TMTC1: variants seen among roughly 807,000 people sequenced by gnomAD.
The protein encoded by TMTC1 is transmembrane O-mannosyltransferase targeting cadherins 1.
A neutral mutation model predicts 104.8 loss-of-function variants in TMTC1; 73 were observed. The ratio of observed to expected loss-of-function variants is 0.70; its 90% CI spans 0.58 to 0.85. The LOEUF (loss-of-function observed/expected upper bound fraction) is 0.85, where lower values mean the gene tolerates loss of function less well. TMTC1 is among the 40% of genes least tolerant of loss of function. The probability of loss-of-function intolerance (pLI) is 0.00; values close to 1 mark genes in which losing one functional copy is unlikely to be tolerated. For synonymous variants in TMTC1, 434 were observed against 428.7 expected (o/e 1.01, Z -0.15); for missense variants, 1,035 against 1,096.1 (o/e 0.94, Z 0.79).
At chr12:29,677,287 GTTGT>G (rs1252822702) in intron 5 of TMTC1, among the ~76,000 whole-genome samples, 3 of 152,130 alleles carry the variant, frequency 2.0e-5, no homozygotes, top group East Asian at 1.9e-4. Flanking sequence ...TTTTTTTGTT[GTTGT>G]TTATTTGTTT....
At chr12:29,755,668 C>A in intron 4 of TMTC1, 41 bp downstream of exon 4, 1 of 1,577,392 alleles carries the variant, frequency 6.3e-7, no homozygotes, top group South Asian at 1.1e-5. Flanking sequence ...TTTCTCTGCC[C>A]ATGACATGCC....
At chr12:29,715,183 C>T (rs1450637932) in intron 5 of TMTC1, among the ~76,000 whole-genome samples, 1 of 152,002 alleles carries the variant, frequency 6.6e-6, no homozygotes, top group Non-Finnish European at 1.5e-5. Flanking sequence ...AAAATTGAAG[C>T]AGAATTTAAT....
chr12:29,597,233 C>CTTTCTTTTTTTT (rs1565697536), intron 7 of TMTC1, among the ~76,000 whole-genome samples: 1 of 131,340 alleles, frequency 7.6e-6, no homozygotes, highest in African/African-American at 3.7e-5. Flanking sequence ...TTCTTTCTTT[C>CTTTCTTTTTTTT]TTTTCTTTCT....
At chr12:29,711,868 A>G (rs1402392631) in intron 5 of TMTC1, among the ~76,000 whole-genome samples, 1 of 151,910 alleles carries the variant, frequency 6.6e-6, no homozygotes, top group Non-Finnish European at 1.5e-5. Context: ...TTAGCCGAGC[A>G]TGGTGGTGAG....
intron 1 of TMTC1, among the ~76,000 whole-genome samples, chr12:29,780,151 T>A (rs1943800730): frequency 6.6e-6 from 1 of 152,308 alleles, no homozygotes; most frequent in East Asian, 1.9e-4. Flanking sequence ...CTCCTGGGCA[T>A]TTAGAACAGA....
intron 12 of TMTC1, 95 bp downstream of exon 12, chr12:29,520,523 T>G: frequency 2.8e-6 from 3 of 1,067,252 alleles, no homozygotes; most frequent in South Asian, 2.7e-5. Context: ...CCAAGCCCAG[T>G]GAATTTTACT....
intron 6 of TMTC1, among the ~76,000 whole-genome samples, chr12:29,632,712 T>A (rs1244071884): frequency 6.6e-6 from 1 of 152,210 alleles, no homozygotes; most frequent in Non-Finnish European, 1.5e-5. Context: ...TGGTCATTTT[T>A]GAAATAGCTG....
chr12:29,543,943 GAATTTT>G (rs1944871757), intron 10 of TMTC1, among the ~76,000 whole-genome samples: 1 of 151,882 alleles, frequency 6.6e-6, no homozygotes, highest in Admixed American at 6.6e-5. Context: ...GTGGTTAAAA[GAATTTT>G]AAAAAATATT....
intron 7 of TMTC1, among the ~76,000 whole-genome samples, chr12:29,603,478 C>CA (rs989957749): frequency 2.6e-5 from 4 of 151,698 alleles, no homozygotes; most frequent in African/African-American, 4.8e-5. Context: ...AATCTGGGGG[C>CA]AAAAAAAGCT....
At position 29,506,126 on chromosome 12, in the gene TMTC1, T is replaced by C. The variant is rs1337195530; in HGVS notation, c.*720A>G. The C allele has an allele frequency of 1.3e-5, 2 of 152,160 alleles. No homozygotes were observed. Among genetic ancestry groups the C allele is most frequent in the African/African-American group, 4.8e-5 (2 of 41,430 alleles). 9.4% of individuals were successfully genotyped at this position (152,160 alleles called of 1,614,324 possible). ...AGAACCACCACTCTAGTAATACTTGTAATAAAATTAAAATAGTTTTAAACA... is the reference window on the plus strand; with the variant it reads ...AGAACCACCACTCTAGTAATACTTGCAATAAAATTAAAATAGTTTTAAACA... On this transcript the variant is annotated 3_prime_UTR_variant, in exon 18 of 18. Transcript: ENST00000539277.
chr12:29,713,225 C>T lies in TMTC1; in HGVS notation c.938+38441G>A, dbSNP rs1215620687. ...CTGAATTTCCAGCCTGCAAGTCTGC[C>T]CTGCAGGCTTCAGACTTGCCAGCCT... On this transcript the variant is annotated intron_variant, in intron 5 of 17. Coordinates refer to ENST00000539277, the MANE Select transcript of TMTC1 (RefSeq NM_001193451.2). Among the ~76,000 whole-genome samples, 3 of 151,462 alleles carry T rather than the reference C, an allele frequency of 2.0e-5. No homozygotes were observed. The East Asian group carries it at 5.8e-4, about 30-fold the overall frequency.
At chr12:29,633,926 T>C (rs559848188) in intron 5 of TMTC1, among the ~76,000 whole-genome samples, 2 of 152,318 alleles carry the variant, frequency 1.3e-5, no homozygotes, top group South Asian at 4.1e-4. Context: ...GAAGGCATTC[T>C]AGTTGTTCCC....
intron 5 of TMTC1, among the ~76,000 whole-genome samples, chr12:29,728,321 G>A (rs923692762): frequency 2.0e-5 from 3 of 152,096 alleles, no homozygotes; most frequent in African/African-American, 7.2e-5. Context: ...AATTCAGAAC[G>A]TGGGGAGGAG....
At chr12:29,582,751 C>A (rs2136327863) in intron 8 of TMTC1, among the ~76,000 whole-genome samples, 1 of 152,242 alleles carries the variant, frequency 6.6e-6, no homozygotes, top group South Asian at 2.1e-4. Context: ...ATCATGGTGA[C>A]TAAATTGACC....
At chr12:29,602,455 A>G (rs1209232055) in intron 7 of TMTC1, among the ~76,000 whole-genome samples, 3 of 152,196 alleles carry the variant, frequency 2.0e-5, no homozygotes, top group African/African-American at 7.2e-5. Context: ...GTTTCATTTA[A>G]TGATCACAAT....
At chr12:29,536,129 C>T (rs1471190955) in intron 11 of TMTC1, 80 bp downstream of exon 11, 4 of 943,870 alleles carry the variant, frequency 4.2e-6, no homozygotes, top group Non-Finnish European at 5.1e-6. Flanking sequence ...CAAATTAAAT[C>T]ATTAGTACAA....
intron 3 of TMTC1, among the ~76,000 whole-genome samples, chr12:29,756,779 T>G (rs1321857683): frequency 6.6e-6 from 1 of 152,192 alleles, no homozygotes; most frequent in Non-Finnish European, 1.5e-5. Flanking sequence ...AGACACCTTC[T>G]CCTTAGTGTT....
intron 7 of TMTC1, among the ~76,000 whole-genome samples, chr12:29,603,003 A>G (rs2136397686): frequency 6.6e-6 from 1 of 152,336 alleles, no homozygotes; most frequent in Non-Finnish European, 1.5e-5. Context: ...GGTCTTCTAT[A>G]CTACAGGTGT....
At chr12:29,527,591 G>A (rs987690438) in intron 11 of TMTC1, among the ~76,000 whole-genome samples, 9 of 152,178 alleles carry the variant, frequency 5.9e-5, no homozygotes, top group African/African-American at 1.7e-4. Context: ...CGTGAGATCT[G>A]AAAAACATCT....
Sources: gnomAD v4.1 joint callset for allele counts (sites outside exome capture counted in the v4.1 genomes callset) on GRCh38, gnomAD v4.1.1 for gene constraint, MANE v1.5 for transcripts, NCBI Gene and HGNC (gene_info 2026-07-23, HGNC 2026-07-21) for gene names.